The following RGS7 variants were observed in gnomAD, a reference collection of about 807,000 sequenced individuals.
RGS7 encodes the protein regulator of G protein signaling 7.
Under a neutral mutation model 81.1 loss-of-function variants are expected in RGS7, and 27 were observed. The observed-to-expected ratio is 0.33, with a 90% CI of 0.25 to 0.46. RGS7 has a LOEUF of 0.46. Ranked by LOEUF, RGS7 falls within the 20% of genes least tolerant of loss-of-function variation. RGS7 has a pLI of 1.00. For missense variants in RGS7, 396 were observed against 607.4 expected (o/e 0.65, Z 3.66); for synonymous variants, 208 against 207.7 (o/e 1.00, Z -0.01).
chr1:241,236,035 A>T lies in RGS7; in HGVS notation c.78+119664T>A, dbSNP rs186926301. On this transcript the variant is annotated intron_variant, in intron 2 of 18. Coordinates refer to ENST00000440928, the MANE Select transcript of RGS7 (RefSeq NM_001364886.1). The stretch of plus-strand genomic sequence containing the variant: ...TTTTATATGCATTTTATTTGTTCAC[A>T]TGTTTTTAAAGTCTGCAGTTTGAGA... 2.2e-4 allele frequency among the ~76,000 whole-genome samples: 33 copies of T among 152,138 alleles called. 1 individual carries two copies. Among genetic ancestry groups the T allele is most frequent in the Admixed American group, 2.0e-3 (31 of 15,268 alleles).
At chr1:240,799,670 A>AAG (rs1435405631) in intron 18 of RGS7, among the ~76,000 whole-genome samples, 8 of 152,208 alleles carry the variant, frequency 5.3e-5, no homozygotes, top group African/African-American at 1.9e-4. Context: ...TCTTAAAAAA[A>AAG]AGGTCTGTGC....
At chr1:241,227,723 A>G (rs1459824704) in intron 2 of RGS7, among the ~76,000 whole-genome samples, 1 of 151,710 alleles carries the variant, frequency 6.6e-6, no homozygotes. Context: ...CCGTACTCCT[A>G]GGTAACACAG....
intron 3 of RGS7, among the ~76,000 whole-genome samples, chr1:241,000,651 T>C (rs1366479394): frequency 6.6e-6 from 1 of 151,924 alleles, no homozygotes; most frequent in African/African-American, 2.4e-5. Context: ...TCTTTTCTTT[T>C]CTTTTCTTTT....
At chr1:241,192,497 T>C (rs2072765048) in intron 2 of RGS7, among the ~76,000 whole-genome samples, 1 of 152,124 alleles carries the variant, frequency 6.6e-6, no homozygotes, top group African/African-American at 2.4e-5. Flanking sequence ...CTTAGTGGGA[T>C]GAAAAGGCAA....
Position 241,105,224 on chromosome 1 carries a change from T to C in RGS7, c.79-6462A>G, listed in dbSNP as rs563949613. Among the ~76,000 whole-genome samples the C allele has an allele frequency of 9.2e-5, 14 of 152,338 alleles. 1 individual carries two copies. The South Asian group carries it at 2.9e-3, about 32-fold the overall frequency. On this transcript the variant is annotated intron_variant, in intron 2 of 18. Coordinates refer to ENST00000440928, the MANE Select transcript of RGS7 (RefSeq NM_001364886.1). ...TCAGCTTACTTGTTAGAGGAATTTCTTCCTTTAATGCAAGAGAGTAAATCA... is the reference window on the plus strand; with the variant it reads ...TCAGCTTACTTGTTAGAGGAATTTCCTCCTTTAATGCAAGAGAGTAAATCA...
intron 2 of RGS7, among the ~76,000 whole-genome samples, chr1:241,245,832 C>T (rs1056966395): frequency 6.7e-5 from 10 of 150,100 alleles, no homozygotes; most frequent in Admixed American, 3.3e-4. Context: ...AGGCAGGACG[C>T]GGTGGCTCAT....
chr1:241,155,470 G>A (rs1346953176), intron 2 of RGS7, among the ~76,000 whole-genome samples: 1 of 150,548 alleles, frequency 6.6e-6, no homozygotes, highest in East Asian at 2.0e-4. Context: ...AAAGAGATAC[G>A]ACACCTTTTA....
chr1:241,208,588 G>A (rs140493258), intron 2 of RGS7, among the ~76,000 whole-genome samples: 149 of 151,942 alleles, frequency 9.8e-4, no homozygotes, highest in Middle Eastern at 6.8e-3. Flanking sequence ...AGTTACCTCC[G>A]TCATGACAAA....
At chr1:240,854,741 G>A (rs2147947714) in intron 9 of RGS7, among the ~76,000 whole-genome samples, 1 of 152,308 alleles carries the variant, frequency 6.6e-6, no homozygotes, top group African/African-American at 2.4e-5. Context: ...ATGAGTAACA[G>A]CATCTAACTT....
chr1:240,887,228 T>TGTTGTTG (rs56882265), intron 6 of RGS7, among the ~76,000 whole-genome samples: 52,354 of 143,886 alleles, frequency 0.36, 9,879 homozygotes, highest in East Asian at 0.5. Context: ...GTATATAGGT[T>TGTTGTTG]TTTTTTTTTT....
In RGS7 at chr1:241,119,728, C is replaced by T. The variant is rs969375335; in HGVS notation, c.79-20966G>A. Among the ~76,000 whole-genome samples, 8 of 152,286 alleles carry T rather than the reference C, an allele frequency of 5.3e-5. No individual in the cohort carries two copies. The South Asian group carries it at 1.0e-3, about 20-fold the overall frequency. On this transcript the variant is annotated intron_variant, in intron 2 of 18. Coordinates refer to ENST00000440928, the MANE Select transcript of RGS7 (RefSeq NM_001364886.1). ...ACTATTGGAAAGCTCCCAGGCTCAT[C>T]GTGACAATCACAAGTTTTCCAAAAT...
intron 18 of RGS7, among the ~76,000 whole-genome samples, chr1:240,788,992 GCCAAGTGTGGTGGCGCA>G (rs1685517371): frequency 6.6e-6 from 1 of 152,176 alleles, no homozygotes; most frequent in Non-Finnish European, 1.5e-5. Flanking sequence ...ACAAAAATTA[GCCAAGTGTGGTGGCGCA>G]TTGTTGTGGG....
chr1:241,031,256 A>G (rs540947023), intron 3 of RGS7, among the ~76,000 whole-genome samples: 3 of 152,216 alleles, frequency 2.0e-5, no homozygotes, highest in Non-Finnish European at 4.4e-5. Context: ...ACTTAAGACA[A>G]TGGCCTCCAG....
chr1:240,964,294 T>A (rs527520265), intron 4 of RGS7, among the ~76,000 whole-genome samples: 3 of 152,100 alleles, frequency 2.0e-5, no homozygotes, highest in African/African-American at 7.2e-5. Context: ...TCCCACTAAA[T>A]AGGAGATCGA....
chr1:240,883,584 T>C (rs372717410), intron 6 of RGS7, among the ~76,000 whole-genome samples: 39 of 152,316 alleles, frequency 2.6e-4, no homozygotes, highest in African/African-American at 8.9e-4. Context: ...CAATAACTCA[T>C]GGAGCTTTCA....
rs143438605 is a variant in RGS7 at position 241,151,748 on chromosome 1, T to C, written c.79-52986A>G. Among the ~76,000 whole-genome samples, 14 of 152,212 alleles carry C rather than the reference T, an allele frequency of 9.2e-5. No homozygotes were observed. The East Asian group carries it at 2.7e-3, about 29-fold the overall frequency. ...GGTGACTCCATTTCCATTGTATTGC[T>C]ATTCTGGTTAGTGAGAAGACACACT... On this transcript the variant is annotated intron_variant, in intron 2 of 18. Coordinates refer to ENST00000440928, the MANE Select transcript of RGS7 (RefSeq NM_001364886.1).
At chr1:240,801,315 T>G in intron 17 of RGS7, 140 bp downstream of exon 17, 1 of 680,540 alleles carries the variant, frequency 1.5e-6, no homozygotes, top group Non-Finnish European at 2.6e-6. Context: ...GCAGAAAACA[T>G]GAAGTTCTGA....
chr1:241,276,372 A>T (rs4659596), intron 2 of RGS7, among the ~76,000 whole-genome samples: 2 of 151,984 alleles, frequency 1.3e-5, no homozygotes, highest in African/African-American at 4.8e-5. Flanking sequence ...ATAAAGCCTG[A>T]GAGGTTAATA....
Position 241,047,733 on chromosome 1 carries a change from C to CTTTTT in RGS7, c.175+50928_175+50932dup, listed in dbSNP as rs34738551. Among the ~76,000 whole-genome samples, 192 of 89,492 alleles carry CTTTTT rather than the reference C, an allele frequency of 2.1e-3. 1 individual carries two copies. The highest frequency in any genetic ancestry group is 2.4e-3 in the Non-Finnish European group (117 of 48,142). The allele number at this position is 89,492 out of a possible 152,430, so 58.7% of individuals were successfully genotyped here. On this transcript the variant is annotated intron_variant, in intron 3 of 18. Transcript: ENST00000440928. ...CTCTGTCAAATAATTGTTTACAATCCTTTTTTTTTTTTTTTTTTTTTTTTG... is the reference window on the plus strand; with the variant it reads ...CTCTGTCAAATAATTGTTTACAATCCTTTTTTTTTTTTTTTTTTTTTTTTTTTTTG...
Sources: allele counts gnomAD v4.1 joint callset (sites outside exome capture counted in the v4.1 genomes callset), GRCh38; gene constraint gnomAD v4.1.1; transcripts MANE v1.5; gene names NCBI Gene and HGNC (gene_info 2026-07-23, HGNC 2026-07-21).